ATL3: variants seen among roughly 807,000 people sequenced by gnomAD.
The protein encoded by ATL3 is atlastin-3.
A neutral mutation model predicts 69.5 loss-of-function variants in ATL3; 49 were observed. The observed-to-expected ratio is 0.71, with a 90% CI of 0.56 to 0.89. The LOEUF (loss-of-function observed/expected upper bound fraction) is 0.89, where lower values mean the gene tolerates loss of function less well. Ranked by LOEUF, ATL3 falls within the 40% of genes least tolerant of loss-of-function variation. ATL3 has a pLI of 0.00. For synonymous variants in ATL3, 214 were observed against 224.1 expected, an observed-to-expected ratio of 0.95 and a Z score of 0.40; for missense variants, 606 against 645.7, an observed-to-expected ratio of 0.94 and a Z score of 0.67.
At chr11:63,649,927 T>C (rs1448643795) in intron 5 of ATL3, among the ~76,000 whole-genome samples, 3 of 152,188 alleles carry the variant, frequency 2.0e-5, no homozygotes, top group African/African-American at 4.8e-5. Context: ...GAAAATGTAG[T>C]ATATCGTAAG....
chr11:63,650,682 G>A (rs1331962082), intron 5 of ATL3: 1 of 152,052 alleles, frequency 6.6e-6, no homozygotes, highest in Admixed American at 6.6e-5. Flanking sequence ...TAAAGTCCTC[G>A]CACCTGGTAC....
chr11:63,664,886 G>A (rs1381694052), intron 1 of ATL3, among the ~76,000 whole-genome samples: 3 of 152,000 alleles, frequency 2.0e-5, no homozygotes, highest in Non-Finnish European at 4.4e-5. Context: ...GATTACAGGC[G>A]TGAGCCACCG....
chr11:63,654,861 T>A (rs1377780528), intron 3 of ATL3, among the ~76,000 whole-genome samples: 1 of 151,130 alleles, frequency 6.6e-6, no homozygotes, highest in East Asian at 1.9e-4. Flanking sequence ...CATACCCGGC[T>A]AATTTTTGTA....
At chr11:63,631,012 C>G (rs1939294662) in intron 12 of ATL3, 28 bp downstream of exon 12, 1 of 1,572,364 alleles carries the variant, frequency 6.4e-7, no homozygotes, top group Non-Finnish European at 8.6e-7. Context: ...CATTATCAAC[C>G]CTCAGGCTCT....
At chr11:63,647,365 G>A (rs1256261224) in intron 5 of ATL3, among the ~76,000 whole-genome samples, 1 of 152,134 alleles carries the variant, frequency 6.6e-6, no homozygotes, top group Admixed American at 6.5e-5. Context: ...GGCTAATTTT[G>A]TATTTTTAGT....
chr11:63,662,998 C>T (rs931112834), intron 1 of ATL3, among the ~76,000 whole-genome samples: 1 of 152,164 alleles, frequency 6.6e-6, no homozygotes, highest in Admixed American at 6.6e-5. Context: ...GAAGGCTACA[C>T]GATCATGGCA....
chr11:63,671,906 G>T, upstream of ATL3: 1 of 295,116 alleles, frequency 3.4e-6, no homozygotes, highest in Non-Finnish European at 5.9e-6. Flanking sequence ...CAGCTTTGGT[G>T]TTTAACTAGG....
In ATL3 at chr11:63,659,094, A is replaced by T; in HGVS notation, c.205T>A (p.Phe69Ile). Residue 69 changes from phenylalanine (F) to isoleucine (I), a missense_variant, in exon 2 of 13, where the codon TTC (phenylalanine) becomes ATC (isoleucine). Transcript: ENST00000398868. Reference protein sequence around the residue: ...DVVVVSVAGAFRKGKSFILDF... With the variant: ...DVVVVSVAGAIRKGKSFILDF... The stretch of plus-strand genomic sequence containing the variant: ...AGAATGAAGGACTTGCCCTTTCGGA[A>T]GGCACCAGCCACTGAAACCACCACC... 1 of 1,614,138 alleles carries T rather than the reference A, an allele frequency of 6.2e-7. No homozygotes were observed. The highest frequency in any genetic ancestry group is 8.5e-7 in the Non-Finnish European group (1 of 1,180,036).
intron 3 of ATL3, among the ~76,000 whole-genome samples, chr11:63,653,486 T>C (rs1427466914): frequency 6.6e-6 from 1 of 151,890 alleles, no homozygotes; most frequent in Non-Finnish European, 1.5e-5. Context: ...ACCAAAACTC[T>C]TTGGTATATA....
At chr11:63,641,134 T>C (rs1231186704) in intron 8 of ATL3, among the ~76,000 whole-genome samples, 1 of 152,160 alleles carries the variant, frequency 6.6e-6, no homozygotes, top group Non-Finnish European at 1.5e-5. Flanking sequence ...GACTTGCCTT[T>C]TCATGTAAGA....
At chr11:63,651,280 C>A (rs1309487800) in intron 5 of ATL3, among the ~76,000 whole-genome samples, 1 of 152,050 alleles carries the variant, frequency 6.6e-6, no homozygotes, top group Non-Finnish European at 1.5e-5. Context: ...CATGGTGAAA[C>A]CCCGTCTCTA....
At chr11:63,671,844 G>A, upstream of ATL3, 1 of 751,514 alleles carries the variant, frequency 1.3e-6, no homozygotes, top group Non-Finnish European at 1.8e-6. Flanking sequence ...CGCCTAACGT[G>A]CAGACCAGGC....
chr11:63,671,559 G>T, upstream of ATL3: 4 of 1,424,596 alleles, frequency 2.8e-6, no homozygotes, highest in Non-Finnish European at 3.7e-6. Context: ...GAGGCTAGGC[G>T]AGGCGGGGCG....
At chr11:63,655,000 T>C (rs981200466) in intron 3 of ATL3, among the ~76,000 whole-genome samples, 4 of 152,190 alleles carry the variant, frequency 2.6e-5, no homozygotes, top group African/African-American at 9.6e-5. Flanking sequence ...TTTCTGCTTC[T>C]TTTATGTCTG....
intron 8 of ATL3, among the ~76,000 whole-genome samples, chr11:63,642,958 C>T (rs968631556): frequency 2.0e-5 from 3 of 152,216 alleles, no homozygotes; most frequent in African/African-American, 4.8e-5. Flanking sequence ...CATGACCCAG[C>T]GTCAGGTTTT....
Position 63,671,368 on chromosome 11 carries a change from G to C in ATL3, c.-33C>G, listed in dbSNP as rs1459787410. The C allele has an allele frequency of 6.4e-7, 1 of 1,566,896 alleles. No individual in the cohort carries two copies. Among genetic ancestry groups the C allele is most frequent in the East Asian group, 2.5e-5 (1 of 39,604 alleles). On this transcript the variant is annotated 5_prime_UTR_variant, in exon 1 of 13. Transcript: ENST00000398868. ...CCGCCTTCAAAGCAGAAGCAGCAGGGGTGCAGAGGAGAGGGACGGGTGCGG... is the reference window on the plus strand; with the variant it reads ...CCGCCTTCAAAGCAGAAGCAGCAGGCGTGCAGAGGAGAGGGACGGGTGCGG...
chr11:63,638,014 C>A lies in ATL3; in HGVS notation c.851-1680G>T, dbSNP rs547895760. Among the ~76,000 whole-genome samples, 10 of 152,152 alleles carry A rather than the reference C, an allele frequency of 6.6e-5. No homozygotes were observed. In the East Asian group the frequency reaches 1.9e-3, roughly 29 times the overall value. On this transcript the variant is annotated intron_variant, in intron 8 of 12. Transcript: ENST00000398868. ...TAAACATGTGAATGTATTACATATC[C>A]AAAAAACCTTTTTGTATGGTTTCAA...
At chr11:63,640,179 C>T (rs1939648639) in intron 8 of ATL3, among the ~76,000 whole-genome samples, 1 of 152,166 alleles carries the variant, frequency 6.6e-6, no homozygotes, top group African/African-American at 2.4e-5. Context: ...CTGCCTGCCT[C>T]GGCCTCCCAA....
intron 1 of ATL3, among the ~76,000 whole-genome samples, chr11:63,659,901 C>T (rs1940369816): frequency 1.3e-5 from 2 of 152,028 alleles, no homozygotes; most frequent in Admixed American, 6.6e-5. Flanking sequence ...CATGCCATTG[C>T]ACTCCCACCT....
Sources: gnomAD v4.1 joint callset for allele counts (sites outside exome capture counted in the v4.1 genomes callset) on GRCh38, gnomAD v4.1.1 for gene constraint, MANE v1.5 for transcripts, NCBI Gene and HGNC (gene_info 2026-07-23, HGNC 2026-07-21) for gene names.